Variants in KIF24 observed in about 807,000 individuals in gnomAD.
KIF24 encodes the protein kinesin family member 24, also known as kinesin-like protein KIF24.
Under a neutral mutation model 118.9 loss-of-function variants are expected in KIF24, and 81 were observed. The observed-to-expected ratio is 0.68, with a 90% confidence interval of 0.57 to 0.82. The LOEUF (loss-of-function observed/expected upper bound fraction) is 0.82, where lower values mean the gene tolerates loss of function less well. Among genes scored for constraint, KIF24 ranks in the 40% least tolerant of loss-of-function variants. The pLI is 0.00. For missense variants in KIF24, 1,560 were observed against 1,661.6 expected, an observed-to-expected ratio of 0.94 and a Z score of 1.06; for synonymous variants, 599 against 610.0, an observed-to-expected ratio of 0.98 and a Z score of 0.27.
At chr9:34,260,730 G>C (rs773514627) in intron 9 of KIF24, among the ~76,000 whole-genome samples, 3 of 152,158 alleles carry the variant, frequency 2.0e-5, no homozygotes, top group Non-Finnish European at 1.5e-5. Context: ...TAGCACTTTG[G>C]GAGGCCAAGG....
In KIF24 at chr9:34,306,349, C is replaced by T. The variant is rs749944651; in HGVS notation, c.716G>A (p.Arg239His). 8 of 1,610,196 alleles carry T rather than the reference C, an allele frequency of 5.0e-6. No homozygotes were observed. The highest frequency in any genetic ancestry group is 1.6e-4 in the Middle Eastern group (1 of 6,080). The change falls in exon 3 of 13, where the codon CGT becomes CAT. Residue 239 changes from arginine (R) to histidine (H), a missense_variant. Arg to His is a conservative substitution (Grantham distance 29, BLOSUM62 0). This residue lies in a region of KIF24 where 964 missense variants were observed against 988.0 expected (regional missense o/e 0.98). Transcript: ENST00000402558. ...RKRPLGMREV[R>H]RGEINIITVE... The stretch of plus-strand genomic sequence containing the variant: ...AGTAATAATATTAATTTCTCCACGA[C>T]GTACCTCCCTCATGCCCAGGGGGCG...
intron 5 of KIF24, among the ~76,000 whole-genome samples, 178 bp from the exon 6 acceptor site, chr9:34,286,882 T>G (rs1324199754): frequency 3.3e-5 from 5 of 152,198 alleles, no homozygotes; most frequent in Non-Finnish European, 1.5e-5. Context: ...CAGGGGTGGT[T>G]GTTGATTGTT....
chr9:34,325,070 G>C (rs1277368005), intron 1 of KIF24, among the ~76,000 whole-genome samples: 1 of 152,100 alleles, frequency 6.6e-6, no homozygotes, highest in Non-Finnish European at 1.5e-5. Flanking sequence ...AGGCAGAGTG[G>C]CTCACACCTG....
At chr9:34,320,684 A>G (rs1482433746) in intron 1 of KIF24, among the ~76,000 whole-genome samples, 2 of 144,868 alleles carry the variant, frequency 1.4e-5, no homozygotes, top group African/African-American at 5.1e-5. Flanking sequence ...AAAAAAAAGG[A>G]AAAAAAGAAA....
Position 34,310,810 on chromosome 9 carries a change from T to G in KIF24, c.537A>C (p.Ala179=). ...TGGGAATATCACAATCCCCCAGTAT[T>G]GCAGAAAGGTAATTTGGTGAAAAGA... ...TSLFSPNYLS[A]ILGDCDIPII... Residue 179 remains alanine, a synonymous_variant, in exon 2 of 13, where the codon GCA becomes GCC. Transcript: ENST00000402558. 1.2e-6 allele frequency: 2 copies of G among 1,613,606 alleles called. No homozygotes were observed.
At chr9:34,321,642 T>A (rs530221272) in intron 1 of KIF24, among the ~76,000 whole-genome samples, 1 of 146,316 alleles carries the variant, frequency 6.8e-6, no homozygotes, top group South Asian at 2.3e-4. Flanking sequence ...CGTCTCACTC[T>A]GTCGCCCAGG....
chr9:34,283,052 C>CAAAAAA (rs33926979), intron 6 of KIF24, among the ~76,000 whole-genome samples: 3 of 69,060 alleles, frequency 4.3e-5, no homozygotes, highest in African/African-American at 1.1e-4. Context: ...AACTCCGTCT[C>CAAAAAA]AAAAAAAAAA....
intron 2 of KIF24, 96 bp downstream of exon 2, chr9:34,310,624 TATAA>T: frequency 1.3e-6 from 1 of 746,744 alleles, no homozygotes; most frequent in Non-Finnish European, 2.2e-6. Context: ...ATTCATTTAC[TATAA>T]ATAAGGAGTA....
chr9:34,329,047 C>T (rs13298510), intron 1 of KIF24, among the ~76,000 whole-genome samples, 59 bp downstream of exon 1: 5,901 of 152,348 alleles, frequency 0.039, 158 homozygotes, highest in Middle Eastern at 0.068. Flanking sequence ...TGTCCGCGGG[C>T]AGGCGCCACG....
At chr9:34,303,560 A>G (rs1230447563) in intron 3 of KIF24, among the ~76,000 whole-genome samples, 2 of 152,146 alleles carry the variant, frequency 1.3e-5, no homozygotes. Context: ...TATAAATAAG[A>G]TTGGTCAGGC....
At chr9:34,317,605 A>G (rs1170775136) in intron 1 of KIF24, among the ~76,000 whole-genome samples, 1 of 152,190 alleles carries the variant, frequency 6.6e-6, no homozygotes. Flanking sequence ...ATCTCTCACA[A>G]TACTGGCTCC....
At chr9:34,290,555 AG>A (rs1158802357) in intron 4 of KIF24, among the ~76,000 whole-genome samples, 166 bp from the exon 5 acceptor site, 1 of 152,052 alleles carries the variant, frequency 6.6e-6, no homozygotes, top group African/African-American at 2.4e-5. Flanking sequence ...ATAAGAACAC[AG>A]GAAGAGGAAA....
chr9:34,299,442 A>G (rs1209852123), intron 3 of KIF24, among the ~76,000 whole-genome samples: 1 of 152,012 alleles, frequency 6.6e-6, no homozygotes, highest in Non-Finnish European at 1.5e-5. Context: ...TCAGCCTCCC[A>G]AAGTGCTGGG....
chr9:34,327,261 T>A (rs1386999003), intron 1 of KIF24, among the ~76,000 whole-genome samples: 1 of 151,988 alleles, frequency 6.6e-6, no homozygotes, highest in Non-Finnish European at 1.5e-5. Context: ...TGAGCCAGCA[T>A]AGGGAAACTG....
At chr9:34,319,237 C>T (rs1349461988) in intron 1 of KIF24, 8 of 1,471,300 alleles carry the variant, frequency 5.4e-6, no homozygotes, top group African/African-American at 1.4e-5. Context: ...TGGAGCCCCT[C>T]GAGGCCTTAA....
In KIF24 at chr9:34,306,421, T is replaced by C. The variant is rs765348762; in HGVS notation, c.644A>G (p.Gln215Arg). ...TTTCTCCATCTCAGTCCAAGGATTCTGTTTCTCTGAAGTGTTCTGTCTAAT... is the reference window on the plus strand; with the variant it reads ...TTTCTCCATCTCAGTCCAAGGATTCCGTTTCTCTGAAGTGTTCTGTCTAAT... ...SCIRQNTSEK[Q>R]NPWTEMEKIR... Residue 215 changes from glutamine (Q) to arginine (R), a missense_variant, in exon 3 of 13, where the codon CAG becomes CGG. Around this residue, in one of 3 missense-constraint regions of KIF24, gnomAD observed 964 missense variants for 988.0 expected, o/e 0.98. Transcript: ENST00000402558. 2.5e-6 allele frequency: 4 copies of C among 1,606,986 alleles called. No homozygotes were observed. The highest frequency in any genetic ancestry group is 1.3e-5 in the African/African-American group (1 of 74,360).
chr9:34,271,419 G>A (rs1193937752), intron 7 of KIF24, among the ~76,000 whole-genome samples: 1 of 151,720 alleles, frequency 6.6e-6, no homozygotes, highest in African/African-American at 2.4e-5. Context: ...TATTTGCTAA[G>A]AGAGCACCAG....
chr9:34,323,035 G>C (rs972110487), intron 1 of KIF24, among the ~76,000 whole-genome samples: 1 of 151,934 alleles, frequency 6.6e-6, no homozygotes, highest in Non-Finnish European at 1.5e-5. Flanking sequence ...CCCTACAAGG[G>C]AACTTATTTC....
rs1344539388 is a variant in KIF24 at position 34,259,678 on chromosome 9, CATTGCCG to C, written c.1536_1542del (p.Ile512MetfsTer6). The C allele has an allele frequency of 6.2e-7, 1 of 1,613,880 alleles. No homozygotes were observed. Among genetic ancestry groups the C allele is most frequent in the Non-Finnish European group, 8.5e-7 (1 of 1,179,796 alleles). ...ATGTTGGCGATCATGCAGGTTTTGG[CATTGCCG>C]ATGAAAGAGTCCTTCAGGACCTGTC... On this transcript the variant is annotated frameshift_variant, in exon 10 of 13. Coordinates refer to ENST00000402558, the MANE Select transcript of KIF24 (RefSeq NM_194313.4). LOFTEE classifies it high-confidence loss of function.
Sources: allele counts gnomAD v4.1 joint callset (sites outside exome capture counted in the v4.1 genomes callset), GRCh38; gene constraint gnomAD v4.1.1; regional missense constraint gnomAD v4.1.1; transcripts MANE v1.5; gene names NCBI Gene and HGNC (gene_info 2026-07-23, HGNC 2026-07-21).